PDE5A: variants seen among roughly 807,000 people sequenced by gnomAD.
PDE5A encodes phosphodiesterase 5A.
Under a neutral mutation model 110.2 loss-of-function variants are expected in PDE5A, and 67 were observed. The observed-to-expected ratio is 0.61, with a 90% CI of 0.50 to 0.75. PDE5A has a LOEUF of 0.75. Among genes scored for constraint, PDE5A ranks in the 30% least tolerant of loss-of-function variants. The pLI is 0.00. For synonymous variants in PDE5A, 328 were observed against 351.2 expected (o/e 0.93, Z 0.74); for missense variants, 862 against 1,045.1 (o/e 0.82, Z 2.42).
At chr4:119,526,746 A>C (rs188001125) in intron 11 of PDE5A, among the ~76,000 whole-genome samples, 239 of 152,274 alleles carry the variant, frequency 1.6e-3, no homozygotes, top group African/African-American at 5.5e-3. Flanking sequence ...AGGCACTTGC[A>C]CATTCTCCTT....
intron 14 of PDE5A, chr4:119,512,331 T>C (rs191654885): frequency 3.9e-5 from 6 of 152,306 alleles, no homozygotes; most frequent in Non-Finnish European, 1.5e-5. Flanking sequence ...TCTTGTCTTC[T>C]TTGCTCCTTC....
chr4:119,610,436 A>G (rs1167189062), intron 1 of PDE5A, among the ~76,000 whole-genome samples: 1 of 152,262 alleles, frequency 6.6e-6, no homozygotes, highest in Non-Finnish European at 1.5e-5. Context: ...AGACATTTTA[A>G]CAATTTCAGC....
At chr4:119,596,121 T>C (rs1729142552) in intron 3 of PDE5A, among the ~76,000 whole-genome samples, 1 of 152,148 alleles carries the variant, frequency 6.6e-6, no homozygotes. Context: ...TCCATTTTTT[T>C]CAAAACCTCA....
rs943797512 is a variant in PDE5A, at chr4:119,627,137, C to T, written c.152+1383G>A. On this transcript the variant is annotated intron_variant, in intron 1 of 20. Coordinates refer to ENST00000354960, the MANE Select transcript of PDE5A (RefSeq NM_001083.4). This position sits in a 1 kb window ranked among gnomAD's most constrained non-coding sequence, Gnocchi z 4.6. ...AAGTGGGAAGGGACGTAGGGGGATG[C>T]TGAAGGAAGTACCTTGTTTTGTCTC... is the stretch of plus-strand genomic sequence containing the variant. The T allele has an allele frequency of 1.2e-5, 19 of 1,612,408 alleles. No individual in the cohort carries two copies. The highest frequency in any genetic ancestry group is 1.6e-5 in the Non-Finnish European group (19 of 1,179,156).
intron 3 of PDE5A, among the ~76,000 whole-genome samples, chr4:119,576,025 G>A (rs1280197897): frequency 1.3e-5 from 2 of 152,128 alleles, no homozygotes; most frequent in African/African-American, 4.8e-5. Context: ...AAAAAAGGCA[G>A]GGGTTGCAAT....
At position 119,525,555 on chromosome 4, in the gene PDE5A, T is replaced by A. The variant is rs1293009533; in HGVS notation, c.1773A>T (p.Lys591Asn). ...DLNLVQNFQMKHEVLCRWILS... is the reference protein window; with the variant it reads ...DLNLVQNFQMNHEVLCRWILS... ...GATGTTGCTGCATTCCTACCTCATG[T>A]TTCATCTGGAAGTTCTGCACAAGGT... Residue 591 changes from lysine (K) to asparagine (N), a missense_variant, in exon 12 of 21, where the codon AAA becomes AAT. By Grantham distance (94) the Lys-to-Asn change is moderately conservative. Coordinates refer to ENST00000354960, the MANE Select transcript of PDE5A (RefSeq NM_001083.4). This position sits in a 1 kb window ranked among gnomAD's most constrained non-coding sequence, Gnocchi z 4.3. 4 of 1,612,854 alleles carry A rather than the reference T, an allele frequency of 2.5e-6. No individual in the cohort carries two copies. In the South Asian group the frequency reaches 4.4e-5, roughly 18 times the overall value.
intron 20 of PDE5A, 42 bp from the exon 21 acceptor site, chr4:119,498,780 G>A (rs1461261770): frequency 6.2e-7 from 1 of 1,610,384 alleles, no homozygotes; most frequent in African/African-American, 1.3e-5. Flanking sequence ...GAGAAGCCAG[G>A]AAATAAGTCC....
At chr4:119,592,330 C>T (rs1249426233) in intron 3 of PDE5A, among the ~76,000 whole-genome samples, 3 of 150,318 alleles carry the variant, frequency 2.0e-5, no homozygotes, top group African/African-American at 4.9e-5. Flanking sequence ...TGGTGGCGGG[C>T]GCCTGTAGTT....
At chr4:119,521,142 T>A in intron 12 of PDE5A, 82 bp from the exon 13 acceptor site, 1 of 1,368,858 alleles carries the variant, frequency 7.3e-7, no homozygotes, top group Admixed American at 2.0e-5. Context: ...TACAAAGCAT[T>A]CACATTTAGC....
intron 10 of PDE5A, among the ~76,000 whole-genome samples, chr4:119,541,340 T>C (rs901429941): frequency 5.4e-4 from 82 of 151,592 alleles, no homozygotes; most frequent in African/African-American, 1.9e-3. Flanking sequence ...TATATAGATA[T>C]ATGTATATAT....
intron 1 of PDE5A, among the ~76,000 whole-genome samples, chr4:119,613,030 T>A (rs1353079673): frequency 6.6e-6 from 1 of 152,226 alleles, no homozygotes; most frequent in Non-Finnish European, 1.5e-5. Flanking sequence ...AATAATTATA[T>A]TCTGAATTAA....
Position 119,498,077 on chromosome 4 carries a change from T to TA in PDE5A, c.*523dup, listed in dbSNP as rs1204693023. On this transcript the variant is annotated 3_prime_UTR_variant, in exon 21 of 21. Transcript: ENST00000354960. Reference sequence around the variant, plus strand: ...TTTGTTTCAGAGTGCCTTAACTTTTTAAAAAAAGACACTGTTAACAAATAC... The same window carrying TA: ...TTTGTTTCAGAGTGCCTTAACTTTTTAAAAAAAAGACACTGTTAACAAATAC... 2 of 152,440 alleles carry TA rather than the reference T, an allele frequency of 1.3e-5. No homozygotes were observed. The highest frequency in any genetic ancestry group is 2.9e-5 in the Non-Finnish European group (2 of 68,182). The allele number at this position is 152,440 out of a possible 1,614,324, so 9.4% of individuals were successfully genotyped here. A position where few individuals can be genotyped will look rare whatever the true frequency, so the allele number is the denominator to read the frequency against.
At chr4:119,500,019 AT>A (rs1310007267) in intron 20 of PDE5A, 1 of 152,086 alleles carries the variant, frequency 6.6e-6, no homozygotes, top group Non-Finnish European at 1.5e-5. Context: ...ATAATAGGTG[AT>A]TACTATGTTG....
Position 119,607,035 on chromosome 4 carries a change from G to T in PDE5A, c.415C>A (p.Pro139Thr), listed in dbSNP as rs778910896. 2 of 1,614,168 alleles carry T rather than the reference G, an allele frequency of 1.2e-6. No homozygotes were observed. Among genetic ancestry groups the T allele is most frequent in the Non-Finnish European group, 1.7e-6 (2 of 1,180,026 alleles). ...EKKEQMPLTPPRFDHDEGDQC... is the reference protein window; with the variant it reads ...EKKEQMPLTPTRFDHDEGDQC... ...TCCCCTTCATCATGATCAAACCTTG[G>T]AGGGGTTAGAGGCATCTGTTCCTTC... is the stretch of plus-strand genomic sequence containing the variant. Residue 139 changes from proline (P) to threonine (T), a missense_variant, in exon 2 of 21, where the codon CCA becomes ACA. Physicochemically the swap from Pro to Thr is conservative, Grantham distance 38 (BLOSUM62 -1). Coordinates refer to ENST00000354960, the MANE Select transcript of PDE5A (RefSeq NM_001083.4).
Position 119,627,672 on chromosome 4 carries a change from A to T in PDE5A, c.152+848T>A, listed in dbSNP as rs1435783817. On this transcript the variant is annotated intron_variant, in intron 1 of 20. Coordinates refer to ENST00000354960, the MANE Select transcript of PDE5A (RefSeq NM_001083.4). This position sits in a 1 kb window ranked among gnomAD's most constrained non-coding sequence, Gnocchi z 4.6. ...CTGCTCCCAGTCTCAATTCCTCCCC[A>T]ACTCTCCCGCGAGCGTTTCCCACGA... is the stretch of plus-strand genomic sequence containing the variant. 1 of 152,480 alleles carries T rather than the reference A, an allele frequency of 6.6e-6. No individual in the cohort carries two copies. Among genetic ancestry groups the T allele is most frequent in the Non-Finnish European group, 1.5e-5 (1 of 68,596 alleles). The allele number at this position is 152,480 out of a possible 1,614,324, so 9.4% of individuals were successfully genotyped here.
intron 11 of PDE5A, chr4:119,527,130 T>C (rs1043338957): frequency 1.3e-5 from 2 of 152,154 alleles, no homozygotes; most frequent in Non-Finnish European, 2.9e-5. Flanking sequence ...TAGGGCATCA[T>C]TATTCTTACA....
intron 15 of PDE5A, among the ~76,000 whole-genome samples, chr4:119,508,246 G>A (rs958401106): frequency 1.3e-5 from 2 of 151,950 alleles, no homozygotes; most frequent in Non-Finnish European, 2.9e-5. Flanking sequence ...CTGGTCAGTG[G>A]TGAAAGAAAG....
chr4:119,517,515 A>G (rs1460207838), intron 14 of PDE5A, among the ~76,000 whole-genome samples: 4 of 149,662 alleles, frequency 2.7e-5, no homozygotes, highest in Non-Finnish European at 4.4e-5. Flanking sequence ...TTTTTTTTTT[A>G]AAGTTGAAGT....
At chr4:119,584,203 C>A (rs1728680590) in intron 3 of PDE5A, among the ~76,000 whole-genome samples, 1 of 152,106 alleles carries the variant, frequency 6.6e-6, no homozygotes, top group Non-Finnish European at 1.5e-5. Context: ...TTGGCTTTCA[C>A]TGAAACAGTA....
Sources: allele counts gnomAD v4.1 joint callset (sites outside exome capture counted in the v4.1 genomes callset), GRCh38; gene constraint gnomAD v4.1.1; non-coding constraint Gnocchi (gnomAD v3.1); transcripts MANE v1.5; gene names NCBI Gene and HGNC (gene_info 2026-07-23, HGNC 2026-07-21).